The following SEMA6D variants were observed in gnomAD, a reference collection of about 807,000 sequenced individuals.
SEMA6D encodes the protein semaphorin-6D.
SEMA6D carries 35 observed loss-of-function variants against 106.6 expected under a neutral mutation model. The observed-to-expected ratio is 0.33, with a 90% CI of 0.25 to 0.44. The LOEUF (loss-of-function observed/expected upper bound fraction) is 0.44. SEMA6D is among the 20% of genes least tolerant of loss of function. The pLI is 1.00. For synonymous variants in SEMA6D, 499 were observed against 487.7 expected (o/e 1.02, Z -0.31); for missense variants, 1,185 against 1,345.9 (o/e 0.88, Z 1.87).
intron 2 of SEMA6D, among the ~76,000 whole-genome samples, chr15:47,444,904 A>G (rs1269712200): frequency 6.6e-6 from 1 of 152,136 alleles, no homozygotes; most frequent in Non-Finnish European, 1.5e-5. Flanking sequence ...TCCAGCGTCC[A>G]GGAAAAATCA....
chr15:47,490,123 A>C (rs1031001192), intron 3 of SEMA6D, among the ~76,000 whole-genome samples: 1 of 152,134 alleles, frequency 6.6e-6, no homozygotes, highest in South Asian at 2.1e-4. Context: ...ATATCATACT[A>C]TTTTGTAATC....
At chr15:47,335,052 A>G (rs2037495503) in intron 1 of SEMA6D, among the ~76,000 whole-genome samples, 1 of 152,184 alleles carries the variant, frequency 6.6e-6, no homozygotes, top group African/African-American at 2.4e-5. Context: ...ACAAAGGCGA[A>G]AATTATGTCA....
At chr15:47,446,486 GT>G (rs1442770215) in intron 2 of SEMA6D, among the ~76,000 whole-genome samples, 1 of 152,134 alleles carries the variant, frequency 6.6e-6, no homozygotes, top group East Asian at 1.9e-4. Flanking sequence ...CAAGATAGAA[GT>G]TTAGACTTCT....
chr15:47,404,300 T>G (rs2040489397), intron 1 of SEMA6D, among the ~76,000 whole-genome samples: 1 of 152,218 alleles, frequency 6.6e-6, no homozygotes, highest in African/African-American at 2.4e-5. Context: ...TGTTACCATT[T>G]ATTGAGAACC....
At chr15:47,430,481 A>T (rs1039869880) in intron 2 of SEMA6D, among the ~76,000 whole-genome samples, 1 of 151,790 alleles carries the variant, frequency 6.6e-6, no homozygotes, top group Admixed American at 6.6e-5. Context: ...AAAATAAAAT[A>T]TATATTTTTT....
chr15:47,410,745 G>C (rs1202095622), intron 1 of SEMA6D, among the ~76,000 whole-genome samples: 2 of 152,118 alleles, frequency 1.3e-5, no homozygotes, highest in Non-Finnish European at 2.9e-5. Context: ...CAAAGAATCT[G>C]TGTTGTTACA....
Position 47,534,222 on chromosome 15 carries a change from A to G in SEMA6D, c.-87+63677A>G, listed in dbSNP as rs184888646. On this transcript the variant is annotated intron_variant, in intron 3 of 19. Coordinates refer to the SEMA6D transcript ENST00000558014. ...TTTTTTTAAATGGAGACAAATTATC[A>G]CCTTGTCACCCAGGCTGGAGTACAG... Among the ~76,000 whole-genome samples, 26 of 152,134 alleles carry G rather than the reference A, an allele frequency of 1.7e-4. No homozygotes were observed. In the East Asian group the frequency reaches 4.3e-3, roughly 25 times the overall value.
chr15:47,200,475 T>G (rs997236480), intron 1 of SEMA6D, among the ~76,000 whole-genome samples: 7 of 152,172 alleles, frequency 4.6e-5, no homozygotes, highest in African/African-American at 1.7e-4. Flanking sequence ...CTCAAAAGCA[T>G]AAAATAAGCC....
chr15:47,529,340 C>G (rs2044870386), intron 3 of SEMA6D, among the ~76,000 whole-genome samples: 1 of 151,962 alleles, frequency 6.6e-6, no homozygotes, highest in South Asian at 2.1e-4. Flanking sequence ...GGCAGGTACA[C>G]TGGTATAACT....
chr15:47,294,645 T>A (rs1365281345), intron 1 of SEMA6D, among the ~76,000 whole-genome samples: 1 of 152,226 alleles, frequency 6.6e-6, no homozygotes, highest in East Asian at 1.9e-4. Context: ...AATGAAATGA[T>A]TCTGTCTTGC....
At chr15:47,611,544 C>G (rs1274056992) in intron 4 of SEMA6D, among the ~76,000 whole-genome samples, 1 of 152,050 alleles carries the variant, frequency 6.6e-6, no homozygotes, top group Non-Finnish European at 1.5e-5. Flanking sequence ...TATCATTAGG[C>G]TGACGTAATT....
rs145338059 is a variant in SEMA6D, at chr15:47,583,777, G to A, written c.-86-17088G>A. The stretch of plus-strand genomic sequence containing the variant: ...ACAAGTCTTCTGGGAAAGGGGAAGC[G>A]TGACAGCTGTGACAACATTAGGGCT... On this transcript the variant is annotated intron_variant, in intron 3 of 19. Coordinates refer to the SEMA6D transcript ENST00000558014. Among the ~76,000 whole-genome samples the A allele has an allele frequency of 2.6e-3, 402 of 152,282 alleles. 1 individual carries two copies. Among genetic ancestry groups the A allele is most frequent in the African/African-American group, 9.2e-3 (383 of 41,576 alleles).
chr15:47,306,607 C>T (rs1174826146), intron 1 of SEMA6D, among the ~76,000 whole-genome samples: 1 of 152,130 alleles, frequency 6.6e-6, no homozygotes. Context: ...CCCAGCTACT[C>T]AGGAGGCTGA....
At chr15:47,601,813 T>G (rs1434012704) in intron 4 of SEMA6D, among the ~76,000 whole-genome samples, 2 of 152,208 alleles carry the variant, frequency 1.3e-5, no homozygotes, top group Admixed American at 6.5e-5. Context: ...TATGGGTCCA[T>G]CTACTCATAA....
intron 1 of SEMA6D, among the ~76,000 whole-genome samples, chr15:47,311,257 C>A (rs182535288): frequency 6.6e-6 from 1 of 152,142 alleles, no homozygotes. Flanking sequence ...GAGTAGGATT[C>A]GGTTGCCCAT....
intron 1 of SEMA6D, among the ~76,000 whole-genome samples, chr15:47,362,249 C>T (rs1018850741): frequency 3.9e-5 from 6 of 152,112 alleles, no homozygotes; most frequent in African/African-American, 9.7e-5. Flanking sequence ...AAACAACTCA[C>T]GCCTGCCTTG....
chr15:47,184,793 C>T (rs1039560930), intron 1 of SEMA6D, among the ~76,000 whole-genome samples: 2 of 152,240 alleles, frequency 1.3e-5, no homozygotes, highest in Non-Finnish European at 1.5e-5. Context: ...GCCGCGGACT[C>T]GGGCGCAAGT....
intron 1 of SEMA6D, among the ~76,000 whole-genome samples, chr15:47,400,608 G>C (rs1240268943): frequency 1.2e-4 from 18 of 152,112 alleles, no homozygotes; most frequent in Admixed American, 1.2e-3. Flanking sequence ...CTAATACAAA[G>C]TGAGAGATTA....
Position 47,772,670 on chromosome 15 carries a change from T to A in SEMA6D, c.*885T>A, listed in dbSNP as rs3803349. 32,414 of 152,352 alleles carry A rather than the reference T, an allele frequency of 0.21. 3,989 individuals are homozygous for A. The highest frequency in any genetic ancestry group is 0.28 in the South Asian group (1,358 of 4,792). The allele number at this position is 152,352 out of a possible 1,614,324, so 9.4% of individuals were successfully genotyped here. On this transcript the variant is annotated 3_prime_UTR_variant, in exon 19 of 19. Coordinates refer to ENST00000536845, the MANE Select transcript of SEMA6D (RefSeq NM_001358351.3). ...TCTTGCCAGCTTAAGGAGATCAAGA[T>A]ATTAAGAGGTATCCTTGATTTATTT... is the stretch of plus-strand genomic sequence containing the variant.
Sources: allele counts gnomAD v4.1 joint callset (sites outside exome capture counted in the v4.1 genomes callset), GRCh38; gene constraint gnomAD v4.1.1; transcripts MANE v1.5; gene names NCBI Gene and HGNC (gene_info 2026-07-23, HGNC 2026-07-21).